Variants in OTOP1 observed in about 807,000 individuals in gnomAD.
The protein encoded by OTOP1 is otopetrin 1, also known as proton channel OTOP1.
In OTOP1, 59 loss-of-function variants were observed where a neutral mutation model predicts 52.9. The ratio of observed to expected loss-of-function variants is 1.12; its 90% CI spans 0.91 to 1.39. OTOP1 has a LOEUF of 1.39. Ranked by LOEUF, OTOP1 falls within the 40% of genes most tolerant of loss-of-function variation. The pLI, the probability that OTOP1 is intolerant of heterozygous loss-of-function variation, is 0.00. For synonymous variants in OTOP1, 317 were observed against 337.7 expected (o/e 0.94, Z 0.67); for missense variants, 761 against 800.9 (o/e 0.95, Z 0.60).
At chr4:4,218,923 C>T (rs376318230) in intron 1 of OTOP1, among the ~76,000 whole-genome samples, 43 of 149,376 alleles carry the variant, frequency 2.9e-4, no homozygotes, top group Admixed American at 8.0e-4. Context: ...AGCGAGACTC[C>T]GTCTCAAAAA....
intron 5 of OTOP1, among the ~76,000 whole-genome samples, chr4:4,196,678 T>G (rs567708016): frequency 2.8e-4 from 42 of 152,214 alleles, no homozygotes; most frequent in African/African-American, 9.6e-4. Context: ...CAGTGAGCTG[T>G]GATCATGCCA....
chr4:4,220,793 A>G (rs1471588727), intron 1 of OTOP1, among the ~76,000 whole-genome samples: 1 of 151,588 alleles, frequency 6.6e-6, no homozygotes, highest in Non-Finnish European at 1.5e-5. Context: ...GGCAGAGGGA[A>G]CCCCCTCCTC....
At chr4:4,205,012 T>C (rs1716868560) in intron 3 of OTOP1, among the ~76,000 whole-genome samples, 1 of 152,172 alleles carries the variant, frequency 6.6e-6, no homozygotes, top group Non-Finnish European at 1.5e-5. Context: ...GACTTCGTGA[T>C]CCGCCCACCT....
chr4:4,212,008 T>A (rs528043839), intron 2 of OTOP1, among the ~76,000 whole-genome samples: 339 of 152,282 alleles, frequency 2.2e-3, no homozygotes, highest in Non-Finnish European at 3.9e-3. Context: ...GGCAACTATG[T>A]GAGATGACAG....
chr4:4,209,950 C>T (rs1270028548), intron 2 of OTOP1, among the ~76,000 whole-genome samples: 1 of 152,176 alleles, frequency 6.6e-6, no homozygotes, highest in Non-Finnish European at 1.5e-5. Flanking sequence ...CTCCCTCTCT[C>T]ACAAACGGTT....
At chr4:4,207,372 A>C (rs1716928780) in intron 2 of OTOP1, among the ~76,000 whole-genome samples, 1 of 152,206 alleles carries the variant, frequency 6.6e-6, no homozygotes, top group Middle Eastern at 3.2e-3. Context: ...GTAATAGAAA[A>C]TTCTACACCC....
intron 2 of OTOP1, among the ~76,000 whole-genome samples, chr4:4,212,476 C>G (rs984886841): frequency 3.3e-5 from 5 of 152,170 alleles, no homozygotes; most frequent in African/African-American, 1.2e-4. Context: ...TGTTGCATAA[C>G]TCTATGAACA....
At chr4:4,219,730 T>A (rs937748750) in intron 1 of OTOP1, among the ~76,000 whole-genome samples, 1 of 150,068 alleles carries the variant, frequency 6.7e-6, no homozygotes, top group African/African-American at 2.4e-5. Context: ...ATGAGGAAGA[T>A]ATAACAGCCA....
chr4:4,216,104 T>C (rs1247376369), intron 1 of OTOP1, among the ~76,000 whole-genome samples: 1 of 151,934 alleles, frequency 6.6e-6, no homozygotes, highest in East Asian at 1.9e-4. Context: ...CGGCTGAAAG[T>C]ATATTTAAAA....
At chr4:4,214,014 A>G (rs1222012399) in intron 1 of OTOP1, among the ~76,000 whole-genome samples, 1 of 152,156 alleles carries the variant, frequency 6.6e-6, no homozygotes, top group Non-Finnish European at 1.5e-5. Context: ...CCCTTGAACC[A>G]GGGAGGCAGA....
intron 4 of OTOP1, among the ~76,000 whole-genome samples, chr4:4,198,880 TA>T (rs1234864151): frequency 1.4e-4 from 22 of 151,948 alleles, no homozygotes; most frequent in African/African-American, 4.6e-4. Context: ...AAGGGACAAA[TA>T]AAAAAATGTA....
intron 1 of OTOP1, among the ~76,000 whole-genome samples, chr4:4,224,853 G>T (rs55973803): frequency 6.6e-6 from 1 of 151,872 alleles, no homozygotes; most frequent in Non-Finnish European, 1.5e-5. Flanking sequence ...GTGGCCCATA[G>T]AAGTGAGGAG....
chr4:4,220,120 G>A (rs185503146), intron 1 of OTOP1, among the ~76,000 whole-genome samples: 1,873 of 57,374 alleles, frequency 0.033, 20 homozygotes, highest in Middle Eastern at 0.044. Flanking sequence ...TTTTTTTTTT[G>A]AGATGGAGTT....
At chr4:4,215,500 A>T (rs1717122999) in intron 1 of OTOP1, among the ~76,000 whole-genome samples, 2 of 152,138 alleles carry the variant, frequency 1.3e-5, no homozygotes, top group South Asian at 4.2e-4. Context: ...CATCTCTACT[A>T]AAAAATACAA....
chr4:4,200,574 T>C (rs1429339917), intron 4 of OTOP1, among the ~76,000 whole-genome samples: 1 of 151,450 alleles, frequency 6.6e-6, no homozygotes, highest in Non-Finnish European at 1.5e-5. Context: ...TTCTTTTTTA[T>C]ATAGGGTCTC....
In OTOP1 at chr4:4,197,380, G is replaced by A; in HGVS notation, c.1454C>T (p.Ala485Val). ...ASSCPKSGGVARDVAPQGKDM... is the reference protein window; with the variant it reads ...ASSCPKSGGVVRDVAPQGKDM... ...CTTGCCCTGGGGAGCCACATCTCTG[G>A]CCACACCTCCACTCTTGGGGCAGGA... Residue 485 changes from alanine (A) to valine (V), a missense_variant, in exon 5 of 6, where the codon GCC (alanine) becomes GTC (valine). By Grantham distance (64) the Ala-to-Val change is moderately conservative. Coordinates refer to ENST00000296358, the MANE Select transcript of OTOP1 (RefSeq NM_177998.3). 1 of 1,614,020 alleles carries A rather than the reference G, an allele frequency of 6.2e-7. No individual in the cohort carries two copies. Among genetic ancestry groups the A allele is most frequent in the African/African-American group, 1.3e-5 (1 of 74,986 alleles).
At chr4:4,220,002 CATATATATG>C (rs1206990112) in intron 1 of OTOP1, among the ~76,000 whole-genome samples, 3 of 51,844 alleles carry the variant, frequency 5.8e-5, no homozygotes, top group African/African-American at 1.4e-4. Context: ...GGTGTATATA[CATATATATG>C]TATATACATG....
At chr4:4,198,721 T>C (rs532372879) in intron 4 of OTOP1, among the ~76,000 whole-genome samples, 11 of 152,162 alleles carry the variant, frequency 7.2e-5, no homozygotes, top group Non-Finnish European at 1.6e-4. Context: ...TACCACCTTC[T>C]GGAAGAGAAG....
chr4:4,220,589 G>A (rs1717278265), intron 1 of OTOP1, among the ~76,000 whole-genome samples: 1 of 152,184 alleles, frequency 6.6e-6, no homozygotes, highest in African/African-American at 2.4e-5. Flanking sequence ...TAGGGGTGCT[G>A]AGGAGATTGA....
Sources: allele counts gnomAD v4.1 joint callset (sites outside exome capture counted in the v4.1 genomes callset), GRCh38; gene constraint gnomAD v4.1.1; transcripts MANE v1.5; gene names NCBI Gene and HGNC (gene_info 2026-07-23, HGNC 2026-07-21).